PREX1: variants seen among roughly 807,000 people sequenced by gnomAD.
The protein encoded by PREX1 is phosphatidylinositol 3,4,5-trisphosphate-dependent Rac exchanger 1 protein.
Under a neutral mutation model 198.3 loss-of-function variants are expected in PREX1, and 41 were observed. The observed-to-expected ratio is 0.21, with a 90% CI of 0.16 to 0.27. The LOEUF (loss-of-function observed/expected upper bound fraction) is 0.27. PREX1 is among the 10% of genes least tolerant of loss of function. PREX1 has a pLI of 1.00. For missense variants in PREX1, 1,620 were observed against 2,200.7 expected (o/e 0.74, Z 5.28); for synonymous variants, 843 against 887.2 (o/e 0.95, Z 0.89).
chr20:48,875,048 T>A, the PREX1 span, among the ~76,000 whole-genome samples: 2 of 152,144 alleles, frequency 1.3e-5, no homozygotes, highest in Non-Finnish European at 2.9e-5. Flanking sequence ...GTCTTAGCCA[T>A]CTTCCCAGAA....
At chr20:48,676,430 T>C (rs2089709957) in intron 13 of PREX1, among the ~76,000 whole-genome samples, 162 bp from the exon 14 acceptor site, 1 of 152,144 alleles carries the variant, frequency 6.6e-6, no homozygotes, top group African/African-American at 2.4e-5. Flanking sequence ...ACACATCACT[T>C]GCAGTGTGAC....
chr20:48,725,263 C>G (rs1330075234), intron 5 of PREX1, among the ~76,000 whole-genome samples: 1 of 152,230 alleles, frequency 6.6e-6, no homozygotes, highest in Non-Finnish European at 1.5e-5. Flanking sequence ...CACAGGGAAC[C>G]TAAAACACAG....
intron 1 of PREX1, among the ~76,000 whole-genome samples, chr20:48,797,563 G>A (rs908931963): frequency 2.0e-5 from 3 of 151,752 alleles, no homozygotes; most frequent in East Asian, 1.9e-4. Flanking sequence ...GGCCCACAGC[G>A]CTGTCTCTGT....
chr20:48,659,892 G>A, intron 16 of PREX1, 27 bp downstream of exon 16: 2 of 1,613,450 alleles, frequency 1.2e-6, no homozygotes, highest in Non-Finnish European at 1.7e-6. Context: ...TGGCAAGGAA[G>A]GGACAGCTGC....
intron 2 of PREX1, among the ~76,000 whole-genome samples, chr20:48,746,996 ACACACACACACACACC>A (rs2090111418): frequency 3.4e-5 from 2 of 58,188 alleles, no homozygotes; most frequent in Non-Finnish European, 3.6e-5. Flanking sequence ...ACACACACAC[ACACACACACACACACC>A]CCACCCCCAG....
At chr20:48,786,513 G>A (rs1285592561) in intron 1 of PREX1, among the ~76,000 whole-genome samples, 8 of 152,180 alleles carry the variant, frequency 5.3e-5, no homozygotes, top group African/African-American at 1.4e-4. Context: ...GGAGGCCGAG[G>A]CAGGTGGATC....
chr20:48,649,307 T>C lies in PREX1; in HGVS notation c.3298A>G (p.Ile1100Val). 6.2e-7 allele frequency: 1 copy of C among 1,612,690 alleles called. No individual in the cohort carries two copies. The highest frequency in any genetic ancestry group is 8.5e-7 in the Non-Finnish European group (1 of 1,178,924). ...CCCCCGGCCAGCGCTCACCTGTTGA[T>C]CTGGGTGACATATTGCTTCATCTCC... is the stretch of plus-strand genomic sequence containing the variant. Reference protein sequence around the residue: ...LKEMKQYVTQINRLLSTITEP... With the variant: ...LKEMKQYVTQVNRLLSTITEP... The change falls in exon 25 of 40, where the codon ATC becomes GTC. Residue 1100 changes from isoleucine to valine, a missense_variant. Physicochemically the swap from Ile to Val is conservative, Grantham distance 29. Around this residue, in one of 7 missense-constraint regions of PREX1, gnomAD observed 514 missense variants for 611.6 expected, o/e 0.84. Transcript: ENST00000371941.
At chr20:48,656,328 C>T (rs2089542807) in intron 18 of PREX1, 1 of 391,588 alleles carries the variant, frequency 2.6e-6, no homozygotes, top group Non-Finnish European at 5.2e-6. Flanking sequence ...CCGAGAGCCA[C>T]CTTTGCCCCT....
intron 35 of PREX1, among the ~76,000 whole-genome samples, chr20:48,631,347 G>A (rs2122814324): frequency 6.6e-6 from 1 of 152,340 alleles, no homozygotes; most frequent in South Asian, 2.1e-4. Context: ...GAGACAAGGA[G>A]GGCCAGATTT....
intron 14 of PREX1, among the ~76,000 whole-genome samples, chr20:48,673,105 C>T (rs2089686819): frequency 6.6e-6 from 1 of 152,176 alleles, no homozygotes; most frequent in Admixed American, 6.5e-5. Flanking sequence ...TCAAATGTTA[C>T]CCAAAAGCTG....
intron 1 of PREX1, among the ~76,000 whole-genome samples, chr20:48,791,733 G>A (rs1014000915): frequency 1.3e-5 from 2 of 152,186 alleles, no homozygotes; most frequent in Non-Finnish European, 2.9e-5. Context: ...TCAACCCGGG[G>A]GCAGAGTATG....
chr20:48,646,171 G>C, intron 25 of PREX1, 114 bp from the exon 26 acceptor site: 1 of 1,036,520 alleles, frequency 9.6e-7, no homozygotes, highest in Non-Finnish European at 1.4e-6. Context: ...GTTGGGGGTG[G>C]GAGACTCGCA....
chr20:48,630,595 G>A, intron 36 of PREX1, 133 bp downstream of exon 36: 1 of 666,840 alleles, frequency 1.5e-6, no homozygotes. Flanking sequence ...TGGAGGAGGA[G>A]AGACTGCAGG....
intron 5 of PREX1, among the ~76,000 whole-genome samples, chr20:48,721,644 G>A (rs964362601): frequency 6.6e-6 from 1 of 152,214 alleles, no homozygotes; most frequent in African/African-American, 2.4e-5. Context: ...GACCTTACTC[G>A]GAGTGAGCAG....
chr20:48,724,361 G>A (rs780251079), intron 5 of PREX1, among the ~76,000 whole-genome samples: 1 of 152,148 alleles, frequency 6.6e-6, no homozygotes, highest in Non-Finnish European at 1.5e-5. Flanking sequence ...TAACAACCCC[G>A]TAAGTACCAT....
chr20:48,729,145 C>T (rs891938672), intron 4 of PREX1, among the ~76,000 whole-genome samples: 1 of 151,950 alleles, frequency 6.6e-6, no homozygotes, highest in Non-Finnish European at 1.5e-5. Context: ...TGTGCAATCT[C>T]GGCTCACTGC....
chr20:48,696,523 G>A (rs988059349), intron 7 of PREX1, among the ~76,000 whole-genome samples: 1 of 152,080 alleles, frequency 6.6e-6, no homozygotes, highest in African/African-American at 2.4e-5. Context: ...CCCCTAGCTT[G>A]ACCTTCTTCA....
the PREX1 span, among the ~76,000 whole-genome samples, chr20:48,887,927 G>A: frequency 6.6e-6 from 1 of 151,998 alleles, no homozygotes; most frequent in Non-Finnish European, 1.5e-5. Context: ...TCCAGCCTGG[G>A]CGACAGAGTG....
intron 14 of PREX1, among the ~76,000 whole-genome samples, chr20:48,673,668 G>A (rs963948383): frequency 2.7e-5 from 4 of 150,450 alleles, no homozygotes; most frequent in South Asian, 2.2e-4. Flanking sequence ...TTCAGAAGGC[G>A]GGACTCTGTG....
Sources: gnomAD v4.1 joint callset for allele counts (sites outside exome capture counted in the v4.1 genomes callset) on GRCh38, gnomAD v4.1.1 for gene constraint, gnomAD v4.1.1 regional missense constraint, MANE v1.5 for transcripts, NCBI Gene and HGNC (gene_info 2026-07-23, HGNC 2026-07-21) for gene names.